PARVA: variants seen among roughly 807,000 people sequenced by gnomAD.
The protein encoded by PARVA is parvin alpha.
Under a neutral mutation model 52.6 loss-of-function variants are expected in PARVA, and 25 were observed. The observed-to-expected ratio is 0.48, with a 90% CI of 0.35 to 0.66. The LOEUF (loss-of-function observed/expected upper bound fraction) is 0.66. Ranked by LOEUF, PARVA falls within the 30% of genes least tolerant of loss-of-function variation. PARVA has a pLI of 0.01. For synonymous variants in PARVA, 185 were observed against 179.1 expected, an observed-to-expected ratio of 1.03 and a Z score of -0.26; for missense variants, 373 against 450.9, an observed-to-expected ratio of 0.83 and a Z score of 1.56.
At chr11:12,499,890 T>A (rs550744372) in intron 5 of PARVA, among the ~76,000 whole-genome samples, 23 of 152,290 alleles carry the variant, frequency 1.5e-4, no homozygotes, top group South Asian at 4.1e-4. Context: ...TATTGACAAA[T>A]CATTAAATAT....
chr11:12,467,171 C>T (rs913190488), intron 1 of PARVA, among the ~76,000 whole-genome samples: 1 of 152,168 alleles, frequency 6.6e-6, no homozygotes, highest in African/African-American at 2.4e-5. Flanking sequence ...TTCAACCATT[C>T]AGTGCTAGTA....
At chr11:12,505,413 A>G (rs1378996951) in intron 6 of PARVA, among the ~76,000 whole-genome samples, 2 of 152,222 alleles carry the variant, frequency 1.3e-5, no homozygotes, top group Non-Finnish European at 2.9e-5. Context: ...TCAGCTGTCA[A>G]CAGGAGGAGA....
chr11:12,467,588 G>C (rs1564854342), intron 1 of PARVA, among the ~76,000 whole-genome samples: 1 of 152,168 alleles, frequency 6.6e-6, no homozygotes, highest in Non-Finnish European at 1.5e-5. Context: ...GGGACTTGCT[G>C]ACCAGACAAT....
At chr11:12,474,004 G>A (rs760315692) in intron 3 of PARVA, 21 bp downstream of exon 3, 11 of 1,553,104 alleles carry the variant, frequency 7.1e-6, no homozygotes. Flanking sequence ...ATCAGGAGCG[G>A]CTTCAGGTGC....
chr11:12,470,392 A>G (rs1198380583), intron 1 of PARVA, among the ~76,000 whole-genome samples: 1 of 152,204 alleles, frequency 6.6e-6, no homozygotes, highest in East Asian at 1.9e-4. Context: ...TAGTCTTCTC[A>G]GCAACCCTTG....
At chr11:12,497,057 C>A (rs1941308386) in intron 5 of PARVA, among the ~76,000 whole-genome samples, 1 of 152,086 alleles carries the variant, frequency 6.6e-6, no homozygotes, top group African/African-American at 2.4e-5. Context: ...CTAGAAAGAG[C>A]AAAGATATGG....
chr11:12,474,540 C>T (rs1383208238), intron 3 of PARVA, among the ~76,000 whole-genome samples: 1 of 152,168 alleles, frequency 6.6e-6, no homozygotes, highest in African/African-American at 2.4e-5. Flanking sequence ...TCAGCTTAAC[C>T]AAGCTGCACT....
intron 10 of PARVA, among the ~76,000 whole-genome samples, chr11:12,516,045 C>T (rs1377021253): frequency 6.6e-6 from 1 of 152,156 alleles, no homozygotes; most frequent in East Asian, 1.9e-4. Flanking sequence ...CACCATGTTG[C>T]CCAGGCCAGT....
In PARVA at chr11:12,442,505, A is replaced by G. The variant is rs149183323; in HGVS notation, c.137-31240A>G. On this transcript the variant is annotated intron_variant, in intron 1 of 12. Transcript: ENST00000334956. The stretch of plus-strand genomic sequence containing the variant: ...GCAAAAGACTGCATTTTCAAGGTCA[A>G]TAGCTGTGACACTAGGAGCTTGAGG... Among the ~76,000 whole-genome samples, 22 of 152,336 alleles carry G rather than the reference A, an allele frequency of 1.4e-4. No homozygotes were observed. In the East Asian group the frequency reaches 4.1e-3, roughly 28 times the overall value.
intron 1 of PARVA, among the ~76,000 whole-genome samples, chr11:12,447,220 C>T (rs1940559657): frequency 6.6e-6 from 1 of 152,144 alleles, no homozygotes; most frequent in Admixed American, 6.5e-5. Flanking sequence ...AGTATAATCT[C>T]TAGTGTATTT....
At position 12,427,412 on chromosome 11, in the gene PARVA, C is replaced by T. The variant is rs138210486; in HGVS notation, c.137-46333C>T. 5.9e-3 allele frequency among the ~76,000 whole-genome samples: 900 copies of T among 152,280 alleles called. 11 individuals carry two copies. Among genetic ancestry groups the T allele is most frequent in the African/African-American group, 0.02 (845 of 41,560 alleles). On this transcript the variant is annotated intron_variant, in intron 1 of 12. Transcript: ENST00000334956. ...CAGTCTTCATGACCCTGTTCAAATC[C>T]CTTCCTAGCACAGAAAAATGAAAAT...
At chr11:12,420,630 A>G (rs943586307) in intron 1 of PARVA, among the ~76,000 whole-genome samples, 2 of 152,230 alleles carry the variant, frequency 1.3e-5, no homozygotes, top group Non-Finnish European at 2.9e-5. Flanking sequence ...CCAGAGCCCA[A>G]CACCTGTTTT....
At position 12,528,113 on chromosome 11, in the gene PARVA, A is replaced by G; in HGVS notation, c.*188A>G. ...CATCAATAACTCAGTGGGCTGACCC[A>G]TCCCTCCCAGGCGCTGGGGACCAAC... On this transcript the variant is annotated 3_prime_UTR_variant, in exon 13 of 13. Transcript: ENST00000334956. 1 of 588,282 alleles carries G rather than the reference A, an allele frequency of 1.7e-6. No individual in the cohort carries two copies. 36.4% of individuals were successfully genotyped at this position (588,282 alleles called of 1,614,324 possible). A position where few individuals can be genotyped will look rare whatever the true frequency, so the allele number is the denominator to read the frequency against.
chr11:12,483,758 C>T (rs944467368), intron 4 of PARVA, among the ~76,000 whole-genome samples: 1 of 152,190 alleles, frequency 6.6e-6, no homozygotes, highest in Non-Finnish European at 1.5e-5. Flanking sequence ...GGGACACTGG[C>T]CACTTCTCTG....
At chr11:12,396,547 T>C (rs1187072891) in intron 1 of PARVA, among the ~76,000 whole-genome samples, 5 of 152,194 alleles carry the variant, frequency 3.3e-5, no homozygotes, top group Non-Finnish European at 5.9e-5. Flanking sequence ...TGACTAGCAC[T>C]GTCTCATAAG....
chr11:12,522,797 AAAAAACAG>A (rs906294208), intron 12 of PARVA, among the ~76,000 whole-genome samples: 3 of 151,962 alleles, frequency 2.0e-5, no homozygotes, highest in African/African-American at 7.3e-5. Flanking sequence ...GTTAAAAAAA[AAAAAACAG>A]ACAGCTCATG....
intron 1 of PARVA, among the ~76,000 whole-genome samples, chr11:12,398,055 T>A (rs570422209): frequency 1.3e-5 from 2 of 152,224 alleles, no homozygotes; most frequent in East Asian, 3.9e-4. Context: ...TTCCCTCTGC[T>A]TCCAGTCCAT....
At chr11:12,489,085 G>A (rs1304928027) in intron 4 of PARVA, among the ~76,000 whole-genome samples, 1 of 151,826 alleles carries the variant, frequency 6.6e-6, no homozygotes, top group African/African-American at 2.4e-5. Context: ...AGCACTTTGG[G>A]AAGCCAAGGT....
rs894346649 is a variant in PARVA, at chr11:12,532,589, C to T, written c.*4664C>T. 7.9e-5 allele frequency among the ~76,000 whole-genome samples: 12 copies of T among 152,158 alleles called. No homozygotes were observed. The highest frequency in any genetic ancestry group is 2.9e-4 in the African/African-American group (12 of 41,424). On this transcript the variant is annotated 3_prime_UTR_variant, in exon 13 of 13. Coordinates refer to ENST00000334956, the MANE Select transcript of PARVA (RefSeq NM_018222.5). ...AGACAGATGAAAAATAACTATGAAT[C>T]GACGTTAGTTACAAATTGTGACTGT...
Sources: gnomAD v4.1 joint callset for allele counts (sites outside exome capture counted in the v4.1 genomes callset) on GRCh38, gnomAD v4.1.1 for gene constraint, MANE v1.5 for transcripts, NCBI Gene and HGNC (gene_info 2026-07-23, HGNC 2026-07-21) for gene names.